Variants in CTR9 observed in about 807,000 individuals in gnomAD.
CTR9 encodes CTR9 component of Paf1/RNA polymerase II complex.
A neutral mutation model predicts 152.1 loss-of-function variants in CTR9; 41 were observed. The ratio of observed to expected loss-of-function variants is 0.27; its 90% CI spans 0.21 to 0.35. The LOEUF (loss-of-function observed/expected upper bound fraction) is 0.35, where lower values mean the gene tolerates loss of function less well. CTR9 is among the 10% of genes least tolerant of loss of function. CTR9 has a pLI of 1.00. For missense variants in CTR9, 917 were observed against 1,424.4 expected (o/e 0.64, Z 5.73); for synonymous variants, 476 against 496.2 (o/e 0.96, Z 0.54).
At chr11:10,761,373 A>AG in intron 6 of CTR9, among the ~76,000 whole-genome samples, 1 of 646 alleles carries the variant, frequency 1.5e-3, no homozygotes, top group East Asian at 0.056. Flanking sequence ...TGTTAGCAGG[A>AG]TGTTACCAAC....
At chr11:10,775,149 G>C (rs1372919179) in intron 22 of CTR9, 58 bp from the exon 23 acceptor site, 5 of 1,370,908 alleles carry the variant, frequency 3.6e-6, no homozygotes, top group Non-Finnish European at 5.1e-6. Flanking sequence ...TGGCAAAGTA[G>C]TCTGGAACTT....
chr11:10,764,549 A>C lies in CTR9; in HGVS notation c.1415A>C (p.Lys472Thr). ...CAGTGTGATTTTTCTTTCTCATAGA[A>C]ATATTTTTTGGCGTCATTGGACCGT... ...FRLGNLGEAK[K>T]YFLASLDRAK... The change falls in exon 12 of 25, where the codon AAA (lysine) becomes ACA (threonine). Residue 472 changes from lysine (K) to threonine (T), a missense_variant and splice_region_variant. By Grantham distance (78) the Lys-to-Thr change is moderately conservative. Around this residue, in one of 9 missense-constraint regions of CTR9, gnomAD observed 133 missense variants for 244.1 expected, o/e 0.54. Coordinates refer to ENST00000361367, the MANE Select transcript of CTR9 (RefSeq NM_014633.5). 1 of 1,604,134 alleles carries C rather than the reference A, an allele frequency of 6.2e-7. No homozygotes were observed. Among genetic ancestry groups the C allele is most frequent in the East Asian group, 2.2e-5 (1 of 44,652 alleles).
chr11:10,752,331 T>TA (rs1862817793), intron 1 of CTR9, among the ~76,000 whole-genome samples: 2 of 152,222 alleles, frequency 1.3e-5, no homozygotes, highest in Admixed American at 1.3e-4. Flanking sequence ...ACCTATGGCA[T>TA]AATAGTCTCT....
Position 10,771,656 on chromosome 11 carries a change from A to G in CTR9, c.2444+40A>G, listed in dbSNP as rs752574115. 6.2e-6 allele frequency: 9 copies of G among 1,453,890 alleles called. No individual in the cohort carries two copies. The Admixed American group carries it at 1.3e-4, about 22-fold the overall frequency. The allele number at this position is 1,453,890 out of a possible 1,614,324, so 90.1% of individuals were successfully genotyped here. A position where few individuals can be genotyped will look rare whatever the true frequency, so the allele number is the denominator to read the frequency against. ...TATGGAAGGTGACTTTGGGTGAGGC[A>G]GTGATATTTACATGGGCTGGGAAAG... On this transcript the variant is annotated intron_variant, in intron 19 of 24. Coordinates refer to ENST00000361367, the MANE Select transcript of CTR9 (RefSeq NM_014633.5).
At position 10,757,349 on chromosome 11, in the gene CTR9, G is replaced by A. The variant is rs184242574; in HGVS notation, c.592+511G>A. On this transcript the variant is annotated intron_variant, in intron 5 of 24. Transcript: ENST00000361367. ...TCACACCTGTAATCTCAGCACTTTG[G>A]GAGGGTGAGGTAGAAGGATTGCTTG... 1.3e-4 allele frequency among the ~76,000 whole-genome samples: 20 copies of A among 151,598 alleles called. No individual in the cohort carries two copies. In the East Asian group the frequency reaches 3.9e-3, roughly 30 times the overall value.
chr11:10,762,142 T>G lies in CTR9; in HGVS notation c.849+88T>G, dbSNP rs894316929. ...TTCTTTTTTAAACTTGGAAAGAAAT[T>G]TGAAAATGTCAGATTTTTTCCCCCC... On this transcript the variant is annotated intron_variant, in intron 7 of 24. Transcript: ENST00000361367. The G allele has an allele frequency of 8.1e-6, 7 of 861,342 alleles. No homozygotes were observed. In the African/African-American group the frequency reaches 1.2e-4, roughly 15 times the overall value. The allele number at this position is 861,342 out of a possible 1,614,324, so 53.4% of individuals were successfully genotyped here.
At chr11:10,775,170 C>T (rs1463035280) in intron 22 of CTR9, 37 bp from the exon 23 acceptor site, 2 of 1,526,166 alleles carry the variant, frequency 1.3e-6, no homozygotes, top group Non-Finnish European at 1.8e-6. Flanking sequence ...TATAGGTAGG[C>T]TCTTGACAAA....
rs776826008 is a variant in CTR9, at chr11:10,770,238, A to G, written c.2138A>G (p.Lys713Arg). ...MYENCLRKFY[K>R]HQNTEVVLYL... ...GAAAACTGCCTCCGAAAGTTCTATA[A>G]GCACCAAAACACTGAAGTTGTACTC... Residue 713 changes from lysine to arginine, a missense_variant, in exon 17 of 25, where the codon AAG becomes AGG. Around this residue, in one of 9 missense-constraint regions of CTR9, gnomAD observed 106 missense variants for 157.8 expected, o/e 0.67. Coordinates refer to ENST00000361367, the MANE Select transcript of CTR9 (RefSeq NM_014633.5). The G allele has an allele frequency of 2.5e-6, 4 of 1,613,094 alleles. No homozygotes were observed. In the East Asian group the frequency reaches 8.9e-5, roughly 36 times the overall value.
chr11:10,754,773 T>C (rs1387644139), intron 2 of CTR9, among the ~76,000 whole-genome samples, 185 bp from the exon 3 acceptor site: 1 of 152,258 alleles, frequency 6.6e-6, no homozygotes, highest in Non-Finnish European at 1.5e-5. Context: ...TTCATTCCTT[T>C]TCATTGTAGG....
At chr11:10,773,039 A>T in intron 20 of CTR9, 88 bp from the exon 21 acceptor site, 1 of 1,468,614 alleles carries the variant, frequency 6.8e-7, no homozygotes, top group Non-Finnish European at 9.2e-7. Context: ...AAGAAAAAAA[A>T]AAATCCTCTG....
intron 1 of CTR9, among the ~76,000 whole-genome samples, chr11:10,752,022 T>C (rs1862811181): frequency 6.6e-6 from 1 of 152,206 alleles, no homozygotes; most frequent in African/African-American, 2.4e-5. Context: ...GTCTCATTCA[T>C]GGGTGGCCTG....
chr11:10,776,161 C>T (rs1227325601), intron 24 of CTR9, among the ~76,000 whole-genome samples: 4 of 152,180 alleles, frequency 2.6e-5, no homozygotes, highest in Non-Finnish European at 4.4e-5. Flanking sequence ...TCTTGGCTTA[C>T]CGCAACCTCC....
chr11:10,755,346 C>A, intron 3 of CTR9, 149 bp downstream of exon 3: 1 of 999,916 alleles, frequency 1.0e-6, no homozygotes, highest in Non-Finnish European at 1.5e-6. Flanking sequence ...TCATTAAAAT[C>A]GGAATGCTTT....
Position 10,775,593 on chromosome 11 carries a change from G to T in CTR9, c.3055G>T (p.Asp1019Tyr), listed in dbSNP as rs1255538000. The T allele has an allele frequency of 6.2e-7, 1 of 1,613,376 alleles. No homozygotes were observed. The highest frequency in any genetic ancestry group is 1.7e-5 in the Admixed American group (1 of 59,998). Residue 1019 changes from aspartate (D) to tyrosine (Y), a missense_variant, in exon 24 of 25, where the codon GAC becomes TAC. By Grantham distance (160) the Asp-to-Tyr change is radical (BLOSUM62 -3). Around this residue, in one of 9 missense-constraint regions of CTR9, gnomAD observed 384 missense variants for 398.4 expected, o/e 0.96. Coordinates refer to ENST00000361367, the MANE Select transcript of CTR9 (RefSeq NM_014633.5). ...CAAAGCCATAATTTCATCAAGTGATGACTCTTCGGATGAGGATAAACTTAA... is the reference window on the plus strand; with the variant it reads ...CAAAGCCATAATTTCATCAAGTGATTACTCTTCGGATGAGGATAAACTTAA... Reference protein sequence around the residue: ...KSKAIISSSDDSSDEDKLKIA... With the variant: ...KSKAIISSSDYSSDEDKLKIA...
At chr11:10,759,912 AGAC>A (rs1224222395) in intron 5 of CTR9, among the ~76,000 whole-genome samples, 1 of 152,196 alleles carries the variant, frequency 6.6e-6, no homozygotes, top group Non-Finnish European at 1.5e-5. Context: ...CGATGTTAGA[AGAC>A]AAGAAGAATA....
intron 8 of CTR9, 35 bp from the exon 9 acceptor site, chr11:10,763,608 G>A (rs781560599): frequency 8.3e-6 from 13 of 1,564,610 alleles, no homozygotes; most frequent in Non-Finnish European, 8.7e-6. Flanking sequence ...CAATACTTTT[G>A]TACATATTGG....
In CTR9 at chr11:10,767,925, T is replaced by C. The variant is rs1485637190; in HGVS notation, c.1806T>C (p.Tyr602=). 8 of 1,614,164 alleles carry C rather than the reference T, an allele frequency of 5.0e-6. No individual in the cohort carries two copies. The highest frequency in any genetic ancestry group is 2.2e-5 in the South Asian group (2 of 91,076). ...LKQPSTQSDT[Y]SMLALGNVWL... is the part of the protein sequence containing the mutation. The stretch of plus-strand genomic sequence containing the variant: ...AGCCATCCACACAGAGTGATACCTA[T>C]TCTATGCTAGCCCTTGGCAACGTGT... Residue 602 remains tyrosine (Y), a synonymous_variant, in exon 14 of 25, where the codon TAT becomes TAC. Transcript: ENST00000361367. This position sits in a 1 kb window ranked among gnomAD's most constrained non-coding sequence, Gnocchi z 4.0.
chr11:10,774,086 G>A lies in CTR9; in HGVS notation c.2802G>A (p.Lys934=), dbSNP rs1863190474. ...DTDDDLPISK[K]KKRRKGSGSE... ...ATGATGACCTACCTATATCCAAAAA[G>A]AAGAAGAGAAGAAAGGGTAGTGGCA... The change falls in exon 22 of 25, where the codon AAG becomes AAA. Residue 934 remains lysine (K), a synonymous_variant. Coordinates refer to ENST00000361367, the MANE Select transcript of CTR9 (RefSeq NM_014633.5). 6.2e-7 allele frequency: 1 copy of A among 1,611,820 alleles called. No homozygotes were observed. Among genetic ancestry groups the A allele is most frequent in the Non-Finnish European group, 8.5e-7 (1 of 1,178,142 alleles).
In CTR9 at chr11:10,767,704, T is replaced by C; in HGVS notation, c.1687-102T>C. On this transcript the variant is annotated intron_variant, in intron 13 of 24. Coordinates refer to ENST00000361367, the MANE Select transcript of CTR9 (RefSeq NM_014633.5). The surrounding 1 kb of genome is among the most constrained non-coding windows in gnomAD (Gnocchi z 4.0). ...AAAAGAAAGAAAACCACTGTTGTAA[T>C]ATAGTTTGTAAACCTCTTCAGTAAT... 1.0e-6 allele frequency: 1 copy of C among 994,556 alleles called. No homozygotes were observed. Among genetic ancestry groups the C allele is most frequent in the Middle Eastern group, 2.5e-4 (1 of 4,050 alleles). 61.6% of individuals were successfully genotyped at this position (994,556 alleles called of 1,614,324 possible). A position where few individuals can be genotyped will look rare whatever the true frequency, so the allele number is the denominator to read the frequency against.
Sources: allele counts gnomAD v4.1 joint callset (sites outside exome capture counted in the v4.1 genomes callset), GRCh38; gene constraint gnomAD v4.1.1; regional missense constraint gnomAD v4.1.1; non-coding constraint Gnocchi (gnomAD v3.1); transcripts MANE v1.5; gene names NCBI Gene and HGNC (gene_info 2026-07-23, HGNC 2026-07-21).